Variants in NFATC2 observed in about 807,000 individuals in gnomAD.
NFATC2 encodes nuclear factor of activated T cells 2, also known as nuclear factor of activated T-cells, cytoplasmic 2.
A neutral mutation model predicts 87.3 loss-of-function variants in NFATC2; 22 were observed. That is an observed-to-expected ratio of 0.25 (90% CI 0.18 to 0.36). NFATC2 has a LOEUF of 0.36. NFATC2 is among the 10% of genes least tolerant of loss of function. NFATC2 has a pLI of 1.00. For synonymous variants in NFATC2, 565 were observed against 542.2 expected, an observed-to-expected ratio of 1.04 and a Z score of -0.58; for missense variants, 1,149 against 1,259.1, an observed-to-expected ratio of 0.91 and a Z score of 1.32.
At chr20:51,545,878 TG>T (rs1267363112), upstream of NFATC2, among the ~76,000 whole-genome samples, 3 of 152,158 alleles carry the variant, frequency 2.0e-5, no homozygotes, top group African/African-American at 7.2e-5. Flanking sequence ...AGAGTGAATG[TG>T]TTGCACGGAT....
At chr20:51,561,632 C>G (rs1285018776) in intron 1 of NFATC2, among the ~76,000 whole-genome samples, 1 of 132,132 alleles carries the variant, frequency 7.6e-6, no homozygotes, top group African/African-American at 2.8e-5. Context: ...CTACATTCAA[C>G]TCTGATTTTA....
chr20:51,406,502 TA>T (rs1484458157), intron 9 of NFATC2, among the ~76,000 whole-genome samples: 1 of 152,122 alleles, frequency 6.6e-6, no homozygotes, highest in Non-Finnish European at 1.5e-5. Context: ...GGTACACATC[TA>T]AAAGGTGAAA....
At chr20:51,443,889 G>A (rs1385465379) in intron 6 of NFATC2, among the ~76,000 whole-genome samples, 2 of 151,850 alleles carry the variant, frequency 1.3e-5, no homozygotes, top group Non-Finnish European at 2.9e-5. Flanking sequence ...AAAGGGTTAG[G>A]TCTAGAGAAG....
chr20:51,402,609 G>A (rs905305091), intron 9 of NFATC2, among the ~76,000 whole-genome samples: 1 of 152,196 alleles, frequency 6.6e-6, no homozygotes, highest in Non-Finnish European at 1.5e-5. Context: ...CCTGAGTTTT[G>A]GGGAAGACAT....
At chr20:51,535,745 T>G (rs781280489) in intron 1 of NFATC2, among the ~76,000 whole-genome samples, 1 of 152,008 alleles carries the variant, frequency 6.6e-6, no homozygotes, top group Non-Finnish European at 1.5e-5. Context: ...AGACTTGGGG[T>G]TTTTTTTCCC....
chr20:51,396,759 C>T (rs1000327509), intron 10 of NFATC2, among the ~76,000 whole-genome samples: 18 of 152,170 alleles, frequency 1.2e-4, no homozygotes, highest in African/African-American at 3.1e-4. Context: ...TTCACTCCCA[C>T]GACCCCTCCA....
rs866023203 is a variant in NFATC2, at chr20:51,432,083, C to A, written c.2706G>T (p.Gln902His). ...VTIKQEQNLD[Q>H]TYLDDELIDT... The stretch of plus-strand genomic sequence containing the variant: ...GCGTCTTACCATCATCCAAGTAGGT[C>A]TGGTCCAAGTTCTGCTCCTGTTTAA... The change falls in exon 9 of 11, where the codon CAG (glutamine) becomes CAT (histidine). Residue 902 changes from glutamine (Q) to histidine (H), a missense_variant. Physicochemically the swap from Gln to His is conservative, Grantham distance 24. Transcript: ENST00000371564. This position sits in a 1 kb window ranked among gnomAD's most constrained non-coding sequence, Gnocchi z 4.6. 2.0e-6 allele frequency: 3 copies of A among 1,529,896 alleles called. No individual in the cohort carries two copies. The highest frequency in any genetic ancestry group is 2.8e-5 in the African/African-American group (2 of 72,418). The allele number at this position is 1,529,896 out of a possible 1,614,324, so 94.8% of individuals were successfully genotyped here.
At chr20:51,400,455 G>A (rs1987896922) in intron 9 of NFATC2, among the ~76,000 whole-genome samples, 1 of 143,960 alleles carries the variant, frequency 6.9e-6, no homozygotes, top group African/African-American at 2.5e-5. Context: ...ATGGTGCCCA[G>A]TGTTAATATG....
At chr20:51,551,459 A>T (rs1275382888) in intron 1 of NFATC2, among the ~76,000 whole-genome samples, 1 of 152,008 alleles carries the variant, frequency 6.6e-6, no homozygotes, top group Non-Finnish European at 1.5e-5. Flanking sequence ...GATGGAGTGC[A>T]GTGGCGAGAG....
At chr20:51,448,495 T>G (rs1985360376) in intron 6 of NFATC2, among the ~76,000 whole-genome samples, 1 of 152,082 alleles carries the variant, frequency 6.6e-6, no homozygotes. Flanking sequence ...CTACAAAAAA[T>G]TAGCCAGGCG....
intron 1 of NFATC2, among the ~76,000 whole-genome samples, chr20:51,559,376 C>T (rs570933433): frequency 6.6e-6 from 1 of 152,316 alleles, no homozygotes; most frequent in South Asian, 2.1e-4. Context: ...CAGGGAACAA[C>T]GTGGTATTGG....
rs543865132 is a variant in NFATC2 at position 51,527,941 on chromosome 20, A to T, written c.131-3831T>A. Among the ~76,000 whole-genome samples the T allele has an allele frequency of 2.0e-5, 3 of 151,970 alleles. No homozygotes were observed. In the South Asian group the frequency reaches 6.3e-4, roughly 32 times the overall value. ...CGTAGAGACCCCATCTCTAAAACAA[A>T]AATTTTTTTTTCATTAGCTGGGCAT... On this transcript the variant is annotated intron_variant, in intron 1 of 10. Coordinates refer to ENST00000371564, the MANE Select transcript of NFATC2 (RefSeq NM_012340.5).
intron 3 of NFATC2, among the ~76,000 whole-genome samples, chr20:51,493,278 G>T (rs947027698): frequency 2.7e-4 from 41 of 151,908 alleles, no homozygotes; most frequent in African/African-American, 9.9e-4. Flanking sequence ...CAATGAATTG[G>T]TATAAGCACA....
At chr20:51,460,109 TATCGTTGACTTTCA>T (rs1210545823) in intron 5 of NFATC2, among the ~76,000 whole-genome samples, 1 of 152,250 alleles carries the variant, frequency 6.6e-6, no homozygotes, top group East Asian at 1.9e-4. Context: ...TGGTCTTTGC[TATCGTTGACTTTCA>T]AAAATGCCCC....
chr20:51,433,774 T>TGC, intron 8 of NFATC2, among the ~76,000 whole-genome samples: 1 of 151,718 alleles, frequency 6.6e-6, no homozygotes, highest in South Asian at 2.1e-4. Flanking sequence ...TGTGTGTGTG[T>TGC]GTGTGTGTGT....
intron 8 of NFATC2, among the ~76,000 whole-genome samples, chr20:51,434,100 T>C (rs1480316684): frequency 6.6e-6 from 1 of 152,198 alleles, no homozygotes; most frequent in Non-Finnish European, 1.5e-5. Flanking sequence ...ACCTGAACCC[T>C]GCCCTGATAG....
intron 1 of NFATC2, among the ~76,000 whole-genome samples, chr20:51,534,445 C>T (rs1325240464): frequency 6.6e-6 from 1 of 152,210 alleles, no homozygotes; most frequent in Non-Finnish European, 1.5e-5. Context: ...AGCAATTCTC[C>T]TGCCTCAGCC....
intron 10 of NFATC2, among the ~76,000 whole-genome samples, chr20:51,397,009 G>A (rs947940603): frequency 3.0e-5 from 3 of 101,536 alleles, no homozygotes; most frequent in South Asian, 2.8e-4. Context: ...AGGTTCAAGC[G>A]ATTCTCCTGC....
In NFATC2 at chr20:51,519,348, G is replaced by T. The variant is rs146501506; in HGVS notation, c.1161-2393C>A. Among the ~76,000 whole-genome samples, 11 of 151,814 alleles carry T rather than the reference G, an allele frequency of 7.2e-5. No individual in the cohort carries two copies. In the East Asian group the frequency reaches 2.1e-3, roughly 29 times the overall value. On this transcript the variant is annotated intron_variant, in intron 2 of 10. Coordinates refer to ENST00000371564, the MANE Select transcript of NFATC2 (RefSeq NM_012340.5). Reference sequence around the variant, plus strand: ...CTGAAATACAATCTGAAGAAGTAGAGCATGCCTGTAATCCCAGCACTTATG... The same window carrying T: ...CTGAAATACAATCTGAAGAAGTAGATCATGCCTGTAATCCCAGCACTTATG...
Sources: allele counts gnomAD v4.1 joint callset (sites outside exome capture counted in the v4.1 genomes callset), GRCh38; gene constraint gnomAD v4.1.1; non-coding constraint Gnocchi (gnomAD v3.1); transcripts MANE v1.5; gene names NCBI Gene and HGNC (gene_info 2026-07-23, HGNC 2026-07-21).